The following CAMK2B variants were observed in gnomAD, a reference collection of about 807,000 sequenced individuals.
CAMK2B encodes the protein calcium/calmodulin dependent protein kinase II beta, also known as calcium/calmodulin-dependent protein kinase type II subunit beta.
A neutral mutation model predicts 93.7 loss-of-function variants in CAMK2B; 27 were observed. The ratio of observed to expected loss-of-function variants is 0.29; its 90% CI spans 0.21 to 0.40. The LOEUF (loss-of-function observed/expected upper bound fraction) is 0.40, where lower values mean the gene tolerates loss of function less well. CAMK2B is among the 10% of genes least tolerant of loss of function. The pLI, the probability that CAMK2B is intolerant of heterozygous loss-of-function variation, is 1.00. For synonymous variants in CAMK2B, 374 were observed against 358.8 expected, an observed-to-expected ratio of 1.04 and a Z score of -0.48; for missense variants, 568 against 895.8, an observed-to-expected ratio of 0.63 and a Z score of 4.67.
chr7:44,257,835 G>A (rs546812347), intron 4 of CAMK2B, among the ~76,000 whole-genome samples: 4 of 152,288 alleles, frequency 2.6e-5, no homozygotes, highest in Non-Finnish European at 4.4e-5. Flanking sequence ...ATGGCCTGAC[G>A]TCTGTCACTT....
intron 1 of CAMK2B, among the ~76,000 whole-genome samples, chr7:44,285,077 C>T (rs753974225): frequency 1.3e-5 from 2 of 152,166 alleles, no homozygotes; most frequent in Non-Finnish European, 2.9e-5. Flanking sequence ...TGCAGAGGAG[C>T]TCCTGCCCTG....
At chr7:44,267,919 G>A (rs1312396092) in intron 2 of CAMK2B, 6 of 152,260 alleles carry the variant, frequency 3.9e-5, no homozygotes, top group Non-Finnish European at 4.4e-5. Flanking sequence ...AGCCCTGGGA[G>A]CTTTTCTAGG....
At chr7:44,309,995 G>C (rs955658428) in intron 1 of CAMK2B, among the ~76,000 whole-genome samples, 3 of 152,204 alleles carry the variant, frequency 2.0e-5, no homozygotes, top group Non-Finnish European at 4.4e-5. Context: ...CCTTTCCGCC[G>C]GCTGAGCCGT....
intron 20 of CAMK2B, among the ~76,000 whole-genome samples, chr7:44,222,874 CG>C (rs2096428903): frequency 6.6e-6 from 1 of 152,182 alleles, no homozygotes; most frequent in Non-Finnish European, 1.5e-5. Flanking sequence ...GCCACATGCC[CG>C]GGTGTGCTCA....
At chr7:44,253,126 C>G (rs1268239914) in intron 5 of CAMK2B, among the ~76,000 whole-genome samples, 1 of 151,980 alleles carries the variant, frequency 6.6e-6, no homozygotes, top group Non-Finnish European at 1.5e-5. Context: ...CAAGTCACAT[C>G]AAACTACTTC....
At position 44,241,703 on chromosome 7, in the gene CAMK2B, G is replaced by C; in HGVS notation, c.900C>G (p.Leu300=). The change falls in exon 11 of 24, where the codon CTC becomes CTG. Residue 300 remains leucine, a synonymous_variant. Coordinates refer to ENST00000395749, the MANE Select transcript of CAMK2B (RefSeq NM_001220.5). ...CLKKFNARRK[L]KGAILTTMLA... The stretch of plus-strand genomic sequence containing the variant: ...GGACTAGGGGCCAGGGCCTCACCTT[G>C]AGCTTTCTCCTGGCATTGAACTTTT... The C allele has an allele frequency of 6.2e-7, 1 of 1,612,456 alleles. No homozygotes were observed. Among genetic ancestry groups the C allele is most frequent in the Non-Finnish European group, 8.5e-7 (1 of 1,178,576 alleles).
rs2128876533 is a variant in CAMK2B, at chr7:44,224,252, G to A, written c.1597+2264C>T. 6.6e-6 allele frequency among the ~76,000 whole-genome samples: 1 copy of A among 151,080 alleles called. No homozygotes were observed. The highest frequency in any genetic ancestry group is 6.6e-5 in the Admixed American group (1 of 15,208). On this transcript the variant is annotated intron_variant, in intron 20 of 23. Coordinates refer to ENST00000395749, the MANE Select transcript of CAMK2B (RefSeq NM_001220.5). The surrounding 1 kb of genome is among the most constrained non-coding windows in gnomAD (Gnocchi z 4.4). ...CTGCCCTGCGGAATGGCGCTGCCCAGACCCCAGCTCAACCCAGCCCCCACT... is the reference window on the plus strand; with the variant it reads ...CTGCCCTGCGGAATGGCGCTGCCCAAACCCCAGCTCAACCCAGCCCCCACT...
intron 6 of CAMK2B, among the ~76,000 whole-genome samples, chr7:44,246,151 C>A (rs184089904): frequency 3.3e-4 from 50 of 152,188 alleles, no homozygotes; most frequent in Admixed American, 7.2e-4. Context: ...ACTTGGCAGA[C>A]CCTGGCGAGT....
chr7:44,245,065 C>A, intron 6 of CAMK2B: 1 of 438,650 alleles, frequency 2.3e-6, no homozygotes, highest in South Asian at 1.6e-5. Context: ...CATTTCTCCA[C>A]CCAGCCCAGA....
chr7:44,240,530 C>T (rs2096668253), intron 12 of CAMK2B, among the ~76,000 whole-genome samples, 177 bp downstream of exon 12: 1 of 152,238 alleles, frequency 6.6e-6, no homozygotes, highest in Non-Finnish European at 1.5e-5. Context: ...TGTGGTATCA[C>T]CCAAGGTGGG....
intron 2 of CAMK2B, among the ~76,000 whole-genome samples, chr7:44,269,429 C>T (rs996387860): frequency 6.6e-6 from 1 of 152,212 alleles, no homozygotes; most frequent in African/African-American, 2.4e-5. Flanking sequence ...CTTTCTTTCT[C>T]CAGAGCCAAG....
At chr7:44,251,847 AC>A (rs1373456800) in intron 5 of CAMK2B, among the ~76,000 whole-genome samples, 6 of 152,092 alleles carry the variant, frequency 3.9e-5, no homozygotes, top group African/African-American at 1.2e-4. Context: ...GGTTTCTGGA[AC>A]CTGAACAGCC....
rs2096358558 is a variant in CAMK2B, at chr7:44,217,777, C to A, written c.*1748G>T. 6.6e-6 allele frequency: 1 copy of A among 152,198 alleles called. No individual in the cohort carries two copies. Among genetic ancestry groups the A allele is most frequent in the Non-Finnish European group, 1.5e-5 (1 of 68,054 alleles). The allele number at this position is 152,198 out of a possible 1,614,324, so 9.4% of individuals were successfully genotyped here. Reference sequence around the variant, plus strand: ...AGATAAAGAAAATCCTTGTTGAAAACAATGTGAATTGAAAGTGGGCAGGCA... The same window carrying A: ...AGATAAAGAAAATCCTTGTTGAAAAAAATGTGAATTGAAAGTGGGCAGGCA... On this transcript the variant is annotated 3_prime_UTR_variant, in exon 24 of 24. Coordinates refer to ENST00000395749, the MANE Select transcript of CAMK2B (RefSeq NM_001220.5).
At position 44,234,435 on chromosome 7, in the gene CAMK2B, A is replaced by G. The variant is rs930424795; in HGVS notation, c.1086T>C (p.Ser362=). The G allele has an allele frequency of 1.3e-6, 2 of 1,552,768 alleles. No homozygotes were observed. The highest frequency in any genetic ancestry group is 1.4e-5 in the African/African-American group (1 of 72,350). The change falls in exon 15 of 24, where the codon AGT becomes AGC. Residue 362 remains serine (S), a synonymous_variant. Coordinates refer to ENST00000395749, the MANE Select transcript of CAMK2B (RefSeq NM_001220.5). ...VKPQTNSTKN[S]AAATSPKGTL... ...TCCCTTTGGGGCTGGTGGCGGCTGC[A>G]CTGTTTTTGGTGCTATTCGTCTGGG...
intron 2 of CAMK2B, among the ~76,000 whole-genome samples, chr7:44,272,495 C>A (rs1176724418): frequency 6.6e-6 from 1 of 152,180 alleles, no homozygotes; most frequent in East Asian, 1.9e-4. Flanking sequence ...TAAAAGGCAA[C>A]ACGACAACCA....
chr7:44,290,325 C>CGTG (rs1786429580), intron 1 of CAMK2B, among the ~76,000 whole-genome samples: 1 of 152,266 alleles, frequency 6.6e-6, no homozygotes, highest in Non-Finnish European at 1.5e-5. Flanking sequence ...GGGCCAGGCG[C>CGTG]TGTCTCCCTA....
At position 44,286,316 on chromosome 7, in the gene CAMK2B, C is replaced by A. The variant is rs1052429980; in HGVS notation, c.66-2091G>T. On this transcript the variant is annotated intron_variant, in intron 1 of 23. Transcript: ENST00000395749. The surrounding 1 kb of genome is among the most constrained non-coding windows in gnomAD (Gnocchi z 4.0). ...CAGGCCTCCACTGAGTGTTCTGGAC[C>A]AGGCCCTGAAGGGAGCAGGGAGTCT... 1.3e-5 allele frequency among the ~76,000 whole-genome samples: 2 copies of A among 152,308 alleles called. No homozygotes were observed. The highest frequency in any genetic ancestry group is 4.8e-5 in the African/African-American group (2 of 41,578).
At chr7:44,314,156 T>C (rs1584916908) in intron 1 of CAMK2B, among the ~76,000 whole-genome samples, 1 of 152,236 alleles carries the variant, frequency 6.6e-6, no homozygotes, top group East Asian at 1.9e-4. Context: ...AATTCACCCA[T>C]TTAGAGTATA....
intron 4 of CAMK2B, among the ~76,000 whole-genome samples, chr7:44,258,145 T>C (rs1048910246): frequency 1.3e-5 from 2 of 152,218 alleles, no homozygotes; most frequent in Admixed American, 1.3e-4. Context: ...CGGCAGGAAG[T>C]GAGAGGCGGC....
Sources: allele counts gnomAD v4.1 joint callset (sites outside exome capture counted in the v4.1 genomes callset), GRCh38; gene constraint gnomAD v4.1.1; non-coding constraint Gnocchi (gnomAD v3.1); transcripts MANE v1.5; gene names NCBI Gene and HGNC (gene_info 2026-07-23, HGNC 2026-07-21).